The following TFEC variants were observed in gnomAD, a reference collection of about 807,000 sequenced individuals.
TFEC encodes transcription factor EC, also known as class E basic helix-loop-helix protein 34.
A neutral mutation model predicts 41.6 loss-of-function variants in TFEC; 31 were observed. The observed-to-expected ratio is 0.74, with a 90% CI of 0.56 to 1.01. The LOEUF (loss-of-function observed/expected upper bound fraction) is 1.01. TFEC is among the 50% of genes least tolerant of loss of function. TFEC has a pLI of 0.00. For synonymous variants in TFEC, 143 were observed against 140.6 expected, an observed-to-expected ratio of 1.02 and a Z score of -0.12; for missense variants, 402 against 404.1, an observed-to-expected ratio of 0.99 and a Z score of 0.04.
Position 115,939,579 on chromosome 7 carries a change from CT to C in TFEC, c.*971del, listed in dbSNP as rs575149966. ...AACCAAATCAACAACTAATTGATTT[CT>C]GTCCAATACTGATGAAAAGTTTTAA... On this transcript the variant is annotated 3_prime_UTR_variant, in exon 8 of 8. Coordinates refer to ENST00000265440, the MANE Select transcript of TFEC (RefSeq NM_012252.4). 12 of 152,144 alleles carry C rather than the reference CT, an allele frequency of 7.9e-5. No homozygotes were observed. The South Asian group carries it at 1.9e-3, about 24-fold the overall frequency. The allele number at this position is 152,144 out of a possible 1,614,324, so 9.4% of individuals were successfully genotyped here.
intron 1 of TFEC, among the ~76,000 whole-genome samples, chr7:115,986,695 C>T (rs908052482): frequency 1.4e-5 from 2 of 138,876 alleles, no homozygotes; most frequent in Non-Finnish European, 3.0e-5. Flanking sequence ...GGGAACTGAA[C>T]AATGAGAACA....
At chr7:115,956,090 C>G (rs893319560) in intron 4 of TFEC, among the ~76,000 whole-genome samples, 2 of 151,834 alleles carry the variant, frequency 1.3e-5, no homozygotes, top group African/African-American at 4.8e-5. Context: ...CTCCTTTGAC[C>G]CTGGGTTGAT....
chr7:115,973,329 C>A (rs1357198829), intron 3 of TFEC, among the ~76,000 whole-genome samples: 6 of 151,890 alleles, frequency 4.0e-5, no homozygotes, highest in Non-Finnish European at 8.8e-5. Context: ...ATAATGTAGT[C>A]TAGCCTATTG....
intron 4 of TFEC, among the ~76,000 whole-genome samples, 166 bp downstream of exon 4, chr7:115,956,513 A>T (rs961328885): frequency 2.6e-5 from 4 of 151,988 alleles, no homozygotes; most frequent in African/African-American, 7.2e-5. Flanking sequence ...AGTTATTTTA[A>T]CTTACTGCTT....
chr7:116,049,306 A>G (rs887872418), intron 3 of TFEC, among the ~76,000 whole-genome samples: 1 of 152,152 alleles, frequency 6.6e-6, no homozygotes, highest in Admixed American at 6.6e-5. Flanking sequence ...CAAATGGAAA[A>G]CAAAAAAAAC....
intron 6 of TFEC, among the ~76,000 whole-genome samples, chr7:115,949,369 C>T (rs982231331): frequency 2.0e-5 from 3 of 151,900 alleles, no homozygotes; most frequent in African/African-American, 7.3e-5. Context: ...CATATGGAAC[C>T]AAAAAAGAGC....
At chr7:116,006,547 C>G (rs1794797005) in intron 1 of TFEC, among the ~76,000 whole-genome samples, 1 of 152,206 alleles carries the variant, frequency 6.6e-6, no homozygotes, top group South Asian at 2.1e-4. Context: ...CCTGCACCCT[C>G]ACTGTATCTA....
chr7:115,985,930 C>A (rs1793834088), intron 1 of TFEC, among the ~76,000 whole-genome samples: 1 of 152,094 alleles, frequency 6.6e-6, no homozygotes, highest in Admixed American at 6.6e-5. Context: ...TTTCACAAAT[C>A]TGAATGATCT....
intron 2 of TFEC, among the ~76,000 whole-genome samples, chr7:115,976,583 G>T (rs1371333736): frequency 6.6e-6 from 1 of 152,144 alleles, no homozygotes; most frequent in Non-Finnish European, 1.5e-5. Context: ...TAGGTTAATA[G>T]ATGTGCATAT....
chr7:116,010,528 A>T (rs1263564536), intron 1 of TFEC, among the ~76,000 whole-genome samples: 1 of 152,154 alleles, frequency 6.6e-6, no homozygotes, highest in Non-Finnish European at 1.5e-5. Context: ...GAAGCCTTGA[A>T]GATGTCCAGG....
At chr7:116,082,236 T>A (rs1483945050) in intron 3 of TFEC, among the ~76,000 whole-genome samples, 1 of 151,968 alleles carries the variant, frequency 6.6e-6, no homozygotes, top group Non-Finnish European at 1.5e-5. Flanking sequence ...ACAGGGTGAA[T>A]GAGGACATTT....
chr7:116,102,601 A>G (rs925842801), intron 3 of TFEC, among the ~76,000 whole-genome samples: 2 of 152,216 alleles, frequency 1.3e-5, no homozygotes, highest in African/African-American at 4.8e-5. Flanking sequence ...TGGCAATAAC[A>G]AAGATGAAGG....
Position 115,941,764 on chromosome 7 carries a change from G to A in TFEC, c.663+129C>T, listed in dbSNP as rs543982571. ...CCAATTCACGAACTTCTAAAAAGCA[G>A]TAAAATTATCCTTCAAAAGGAAAAA... is the stretch of plus-strand genomic sequence containing the variant. On this transcript the variant is annotated intron_variant, in intron 7 of 7. Coordinates refer to ENST00000265440, the MANE Select transcript of TFEC (RefSeq NM_012252.4). The A allele has an allele frequency of 1.9e-5, 25 of 1,300,382 alleles. No homozygotes were observed. The East Asian group carries it at 5.8e-4, about 30-fold the overall frequency. 80.6% of individuals were successfully genotyped at this position (1,300,382 alleles called of 1,614,324 possible).
At chr7:116,081,077 C>T (rs1407113265) in intron 3 of TFEC, among the ~76,000 whole-genome samples, 1 of 150,592 alleles carries the variant, frequency 6.6e-6, no homozygotes, top group Non-Finnish European at 1.5e-5. Context: ...TCATTCACAG[C>T]AAAGGTACTG....
At chr7:116,069,232 T>A (rs2131016274) in intron 3 of TFEC, among the ~76,000 whole-genome samples, 2 of 151,542 alleles carry the variant, frequency 1.3e-5, no homozygotes, top group South Asian at 4.1e-4. Flanking sequence ...AGAGGAGACA[T>A]AAACAATATG....
intron 3 of TFEC, among the ~76,000 whole-genome samples, chr7:115,959,603 T>C (rs1445533301): frequency 2.0e-5 from 3 of 151,608 alleles, no homozygotes; most frequent in Non-Finnish European, 4.4e-5. Flanking sequence ...ATCAAAGGTA[T>C]TTGTAATAAC....
intron 1 of TFEC, among the ~76,000 whole-genome samples, chr7:116,128,925 G>A (rs1798271417): frequency 6.6e-6 from 1 of 151,906 alleles, no homozygotes; most frequent in Non-Finnish European, 1.5e-5. Flanking sequence ...AACAGAAAAA[G>A]ACAATAGAAG....
At chr7:116,127,037 T>C (rs1158411538) in intron 1 of TFEC, among the ~76,000 whole-genome samples, 1 of 152,120 alleles carries the variant, frequency 6.6e-6, no homozygotes, top group East Asian at 1.9e-4. Context: ...TTCTGACTGG[T>C]TTTGACTTAG....
At chr7:115,941,392 T>C (rs1793489025) in intron 7 of TFEC, 1 of 163,118 alleles carries the variant, frequency 6.1e-6, no homozygotes, top group African/African-American at 2.4e-5. Flanking sequence ...TATGAACAGA[T>C]GAGAAGTGAC....
Sources: allele counts gnomAD v4.1 joint callset (sites outside exome capture counted in the v4.1 genomes callset), GRCh38; gene constraint gnomAD v4.1.1; transcripts MANE v1.5; gene names NCBI Gene and HGNC (gene_info 2026-07-23, HGNC 2026-07-21).